The following ELMO1 variants were observed in gnomAD, a reference collection of about 807,000 sequenced individuals.
The protein encoded by ELMO1 is engulfment and cell motility 1.
In ELMO1, 26 loss-of-function variants were observed where a neutral mutation model predicts 98.9. That is an observed-to-expected ratio of 0.26 (90% CI 0.19 to 0.36). The LOEUF is 0.36. ELMO1 is among the 10% of genes least tolerant of loss of function. ELMO1 has a pLI of 1.00. For missense variants in ELMO1, 627 were observed against 935.2 expected (o/e 0.67, Z 4.30); for synonymous variants, 346 against 346.0 (o/e 1.00, Z 0.00).
chr7:37,240,275 G>A (rs546527600), intron 7 of ELMO1, among the ~76,000 whole-genome samples: 1 of 151,988 alleles, frequency 6.6e-6, no homozygotes, highest in East Asian at 1.9e-4. Flanking sequence ...CTGGGCTCAA[G>A]TGATCCACCT....
intron 9 of ELMO1, 107 bp from the exon 10 acceptor site, chr7:37,222,800 A>C (rs1793668176): frequency 1.1e-6 from 1 of 941,290 alleles, no homozygotes; most frequent in African/African-American, 1.7e-5. Flanking sequence ...CCCCCAAAAA[A>C]AGTGAGAGAG....
intron 16 of ELMO1, among the ~76,000 whole-genome samples, chr7:36,909,169 C>T (rs928108301): frequency 6.6e-6 from 1 of 152,184 alleles, no homozygotes; most frequent in Admixed American, 6.5e-5. Flanking sequence ...TTAATGAATG[C>T]TATTGCACTA....
At chr7:37,389,310 C>T (rs548275506) in intron 1 of ELMO1, among the ~76,000 whole-genome samples, 96 of 152,274 alleles carry the variant, frequency 6.3e-4, no homozygotes, top group Non-Finnish European at 1.2e-3. Flanking sequence ...CAAAATAAAA[C>T]CAGCCCACAT....
chr7:37,114,044 A>T (rs1785410800), intron 14 of ELMO1, among the ~76,000 whole-genome samples: 1 of 152,222 alleles, frequency 6.6e-6, no homozygotes, highest in Non-Finnish European at 1.5e-5. Context: ...AAGGAGTAGG[A>T]TAGAAGGACG....
chr7:37,326,086 C>T (rs146370428), intron 2 of ELMO1, among the ~76,000 whole-genome samples: 219 of 152,226 alleles, frequency 1.4e-3, no homozygotes, highest in African/African-American at 4.9e-3. Flanking sequence ...TGAAAGGTAA[C>T]GACAAAGCCC....
rs148851154 is a variant in ELMO1 at position 37,235,731 on chromosome 7, G to C, written c.450-2537C>G. 5.2e-3 allele frequency among the ~76,000 whole-genome samples: 795 copies of C among 152,274 alleles called. 6 individuals carry two copies. Among genetic ancestry groups the C allele is most frequent in the African/African-American group, 0.018 (739 of 41,560 alleles). On this transcript the variant is annotated intron_variant, in intron 7 of 21. Transcript: ENST00000310758. ...GCGCATCACCTGAGGTCAGGAGTTC[G>C]AGAGCAGCCTGGCCAACGTGGTGAA...
At chr7:37,056,364 C>T (rs1796391845) in intron 15 of ELMO1, among the ~76,000 whole-genome samples, 1 of 152,176 alleles carries the variant, frequency 6.6e-6, no homozygotes, top group Non-Finnish European at 1.5e-5. Context: ...CTTGGAGCAC[C>T]ATCCTTTAGA....
At chr7:37,043,059 C>T (rs1388403044) in intron 15 of ELMO1, among the ~76,000 whole-genome samples, 1 of 152,200 alleles carries the variant, frequency 6.6e-6, no homozygotes, top group Non-Finnish European at 1.5e-5. Context: ...TAAAAAATGG[C>T]TGCATACATA....
intron 16 of ELMO1, among the ~76,000 whole-genome samples, chr7:36,996,079 C>G (rs572762553): frequency 6.6e-6 from 1 of 152,256 alleles, no homozygotes; most frequent in South Asian, 2.1e-4. Flanking sequence ...TGGCTTTTGT[C>G]AGACAATAAA....
At chr7:37,141,280 C>T (rs144893379) in intron 13 of ELMO1, among the ~76,000 whole-genome samples, 1,785 of 152,260 alleles carry the variant, frequency 0.012, 37 homozygotes, top group African/African-American at 0.041. Flanking sequence ...TGAAGTAACT[C>T]AGGAATGGAA....
intron 8 of ELMO1, among the ~76,000 whole-genome samples, chr7:37,230,086 T>G (rs1584843765): frequency 6.6e-6 from 1 of 152,182 alleles, no homozygotes; most frequent in African/African-American, 2.4e-5. Flanking sequence ...TTTCCTTCTC[T>G]TCTTCAAATT....
intron 1 of ELMO1, among the ~76,000 whole-genome samples, chr7:37,373,015 C>T (rs1039033767): frequency 6.6e-6 from 1 of 152,174 alleles, no homozygotes; most frequent in Non-Finnish European, 1.5e-5. Context: ...ACGGAAGTGG[C>T]ACCCGTGCTG....
intron 4 of ELMO1, among the ~76,000 whole-genome samples, chr7:37,312,422 G>A (rs1392172579): frequency 6.6e-6 from 1 of 152,142 alleles, no homozygotes; most frequent in Admixed American, 6.5e-5. Flanking sequence ...CACAACTTCT[G>A]GACAGAAGGC....
intron 16 of ELMO1, among the ~76,000 whole-genome samples, chr7:36,993,807 T>C (rs746214139): frequency 2.6e-5 from 4 of 152,198 alleles, no homozygotes; most frequent in Non-Finnish European, 4.4e-5. Context: ...CACCAAGTCA[T>C]CTCAAGCTAA....
chr7:37,029,936 A>G (rs1479044361), intron 15 of ELMO1, among the ~76,000 whole-genome samples: 1 of 152,062 alleles, frequency 6.6e-6, no homozygotes, highest in Non-Finnish European at 1.5e-5. Flanking sequence ...TTTTTTCTTC[A>G]GTCTTACTGA....
In ELMO1 at chr7:37,315,916, T is replaced by C. The variant is rs1430999891; in HGVS notation, c.119+4A>G. On this transcript the variant is annotated splice_donor_region_variant and intron_variant, in intron 3 of 21. Coordinates refer to ENST00000310758, the MANE Select transcript of ELMO1 (RefSeq NM_014800.11). ...GCCTTAGATAAATCCTGAGTAACAC[T>C]TACCCATCACAGACTTCCTTTATTA... The C allele has an allele frequency of 1.9e-6, 3 of 1,600,672 alleles. No homozygotes were observed. Among genetic ancestry groups the C allele is most frequent in the Admixed American group, 1.8e-5 (1 of 56,248 alleles).
At chr7:37,228,738 C>T (rs575875857) in intron 8 of ELMO1, among the ~76,000 whole-genome samples, 2 of 152,292 alleles carry the variant, frequency 1.3e-5, no homozygotes, top group African/African-American at 4.8e-5. Context: ...CACAGTGGCT[C>T]ACACCTGTAA....
At chr7:37,199,063 G>C (rs1792134000) in intron 13 of ELMO1, among the ~76,000 whole-genome samples, 1 of 152,176 alleles carries the variant, frequency 6.6e-6, no homozygotes, top group South Asian at 2.1e-4. Context: ...CCAGAGAACA[G>C]ATTCAACCCT....
At chr7:37,159,253 T>G (rs1463423920) in intron 13 of ELMO1, among the ~76,000 whole-genome samples, 1 of 152,240 alleles carries the variant, frequency 6.6e-6, no homozygotes, top group African/African-American at 2.4e-5. Context: ...TATACCTATG[T>G]AGCAAACCTG....
Sources: allele counts gnomAD v4.1 joint callset (sites outside exome capture counted in the v4.1 genomes callset), GRCh38; gene constraint gnomAD v4.1.1; transcripts MANE v1.5; gene names NCBI Gene and HGNC (gene_info 2026-07-23, HGNC 2026-07-21).